TGFBR2: variants seen among roughly 807,000 people sequenced by gnomAD.
TGFBR2 encodes the protein TGF-beta receptor type-2.
Under a neutral mutation model 49.0 loss-of-function variants are expected in TGFBR2, and 18 were observed. The ratio of observed to expected loss-of-function variants is 0.37; its 90% CI spans 0.25 to 0.54. TGFBR2 has a LOEUF of 0.54. Among genes scored for constraint, TGFBR2 ranks in the 20% least tolerant of loss-of-function variants. The pLI is 0.85. For synonymous variants in TGFBR2, 282 were observed against 275.9 expected (o/e 1.02, Z -0.22); for missense variants, 525 against 722.6 (o/e 0.73, Z 3.13).
At chr3:30,684,060 A>C (rs551979798) in intron 5 of TGFBR2, among the ~76,000 whole-genome samples, 4 of 152,336 alleles carry the variant, frequency 2.6e-5, no homozygotes, top group Admixed American at 2.6e-4. Context: ...AATGCCCTCC[A>C]GGAGGGACTG....
intron 1 of TGFBR2, among the ~76,000 whole-genome samples, chr3:30,608,058 C>G (rs977549386): frequency 6.6e-6 from 1 of 151,622 alleles, no homozygotes; most frequent in Admixed American, 6.6e-5. Flanking sequence ...CCTGCCTTAG[C>G]CTCCCGAGTA....
intron 3 of TGFBR2, among the ~76,000 whole-genome samples, chr3:30,669,661 G>A (rs997046639): frequency 2.6e-5 from 4 of 152,116 alleles, no homozygotes; most frequent in Non-Finnish European, 1.5e-5. Flanking sequence ...GTTCTTTGTT[G>A]TACACATGGC....
intron 3 of TGFBR2, 112 bp from the exon 4 acceptor site, chr3:30,671,526 C>A: frequency 9.0e-7 from 1 of 1,113,536 alleles, no homozygotes. Context: ...ATCGTATCTA[C>A]AAAAACTATG....
At chr3:30,651,998 G>A (rs1478647269) in intron 3 of TGFBR2, among the ~76,000 whole-genome samples, 1 of 152,172 alleles carries the variant, frequency 6.6e-6, no homozygotes, top group African/African-American at 2.4e-5. Context: ...GTGTCCTCGT[G>A]TTTCGTGTTT....
intron 1 of TGFBR2, among the ~76,000 whole-genome samples, chr3:30,637,133 C>A (rs1698552220): frequency 6.6e-6 from 1 of 151,468 alleles, no homozygotes; most frequent in African/African-American, 2.4e-5. Flanking sequence ...ACCAGGGTTC[C>A]AGTTGCAAGC....
intron 1 of TGFBR2, among the ~76,000 whole-genome samples, chr3:30,608,538 AG>A (rs1413737559): frequency 2.0e-5 from 3 of 152,180 alleles, no homozygotes; most frequent in African/African-American, 7.2e-5. Flanking sequence ...TTATTTATCC[AG>A]GGACATGGGC....
intron 1 of TGFBR2, among the ~76,000 whole-genome samples, chr3:30,625,233 TA>T (rs889472517): frequency 1.3e-5 from 2 of 152,056 alleles, no homozygotes; most frequent in South Asian, 2.1e-4. Flanking sequence ...TTTAATGGAA[TA>T]AAAAAAGAAA....
chr3:30,672,797 A>G lies in TGFBR2; in HGVS notation c.1254+360A>G, dbSNP rs561396940. On this transcript the variant is annotated intron_variant, in intron 4 of 6. Coordinates refer to ENST00000295754, the MANE Select transcript of TGFBR2 (RefSeq NM_003242.6). This position sits in a 1 kb window ranked among gnomAD's most constrained non-coding sequence, Gnocchi z 4.5. ...GGTTGTACTCAGTCCTTTCTGCTCT[A>G]TACTAGCTGTAGTTGTGTTGGTTTC... 1.3e-4 allele frequency among the ~76,000 whole-genome samples: 20 copies of G among 152,206 alleles called. No homozygotes were observed. The highest frequency in any genetic ancestry group is 4.6e-4 in the African/African-American group (19 of 41,516).
At chr3:30,673,724 TA>T (rs5847638) in intron 4 of TGFBR2, among the ~76,000 whole-genome samples, 31,632 of 151,686 alleles carry the variant, frequency 0.21, 3,478 homozygotes, top group Admixed American at 0.24. Flanking sequence ...GTTTCAGGAA[TA>T]AAAAAAAATT....
intron 1 of TGFBR2, among the ~76,000 whole-genome samples, chr3:30,625,470 A>C (rs986806830): frequency 2.0e-5 from 3 of 152,186 alleles, no homozygotes; most frequent in Non-Finnish European, 4.4e-5. Flanking sequence ...GTAGGGTCAA[A>C]ACTTTAGAAA....
intron 1 of TGFBR2, among the ~76,000 whole-genome samples, chr3:30,639,972 C>T (rs565284573): frequency 1.3e-5 from 2 of 152,276 alleles, no homozygotes; most frequent in Non-Finnish European, 2.9e-5. Context: ...TGAAATAAGT[C>T]TAAATCTTAT....
intron 1 of TGFBR2, among the ~76,000 whole-genome samples, chr3:30,642,617 C>CA (rs373231866): frequency 1.1e-4 from 16 of 152,172 alleles, no homozygotes; most frequent in African/African-American, 3.9e-4. Flanking sequence ...TTTATATTTA[C>CA]AAACAACAAA....
At chr3:30,647,110 C>A (rs1483159605) in intron 2 of TGFBR2, among the ~76,000 whole-genome samples, 1 of 152,132 alleles carries the variant, frequency 6.6e-6, no homozygotes, top group African/African-American at 2.4e-5. Flanking sequence ...GGCACTCATT[C>A]CCTGGGAGTG....
intron 3 of TGFBR2, among the ~76,000 whole-genome samples, chr3:30,666,190 A>G (rs1699240245): frequency 6.6e-6 from 1 of 152,138 alleles, no homozygotes; most frequent in African/African-American, 2.4e-5. Flanking sequence ...TTATAGCCTC[A>G]TTTTTTTATG....
At chr3:30,669,514 C>T (rs1286113969) in intron 3 of TGFBR2, among the ~76,000 whole-genome samples, 5 of 152,106 alleles carry the variant, frequency 3.3e-5, no homozygotes, top group South Asian at 2.1e-4. Context: ...TTTGAAGAGG[C>T]GGTGTCTGAT....
intron 2 of TGFBR2, among the ~76,000 whole-genome samples, chr3:30,646,093 T>A (rs1267148146): frequency 1.3e-5 from 2 of 152,222 alleles, no homozygotes; most frequent in Middle Eastern, 3.2e-3. Flanking sequence ...TCCTGGCTAG[T>A]TGACAAACAA....
intron 3 of TGFBR2, among the ~76,000 whole-genome samples, chr3:30,652,243 T>TG (rs1698905353): frequency 6.9e-6 from 1 of 145,520 alleles, no homozygotes; most frequent in Non-Finnish European, 1.5e-5. Flanking sequence ...TTTTTTTTTT[T>TG]TTTTTTTTTT....
At chr3:30,631,767 C>T (rs1698442146) in intron 1 of TGFBR2, among the ~76,000 whole-genome samples, 1 of 151,716 alleles carries the variant, frequency 6.6e-6, no homozygotes, top group African/African-American at 2.4e-5. Flanking sequence ...ATGAAAGGGA[C>T]CTTTAAGTTC....
At chr3:30,633,913 A>G (rs1057329236) in intron 1 of TGFBR2, among the ~76,000 whole-genome samples, 3 of 152,228 alleles carry the variant, frequency 2.0e-5, no homozygotes, top group Non-Finnish European at 4.4e-5. Flanking sequence ...GTTAGAAACC[A>G]AGCGCCTTGG....
Sources: allele counts gnomAD v4.1 joint callset (sites outside exome capture counted in the v4.1 genomes callset), GRCh38; gene constraint gnomAD v4.1.1; non-coding constraint Gnocchi (gnomAD v3.1); transcripts MANE v1.5; gene names NCBI Gene and HGNC (gene_info 2026-07-23, HGNC 2026-07-21).